The following ZNF304 variants were observed in gnomAD, a reference collection of about 807,000 sequenced individuals.
ZNF304 encodes the protein zinc finger protein 304, also known as KRAB-containing zinc finger protein.
A neutral mutation model predicts 7.8 loss-of-function variants in ZNF304; 7 were observed. The observed-to-expected ratio is 0.90, with a 90% CI of 0.51 to 1.69. ZNF304 has a LOEUF of 1.69. Ranked by LOEUF, ZNF304 falls within the 40% of genes most tolerant of loss-of-function variation. The pLI, the probability that ZNF304 is intolerant of heterozygous loss-of-function variation, is 0.00. For missense variants in ZNF304, 669 were observed against 804.8 expected, an observed-to-expected ratio of 0.83 and a Z score of 2.04; for synonymous variants, 280 against 272.4, an observed-to-expected ratio of 1.03 and a Z score of -0.27.
chr19:57,358,120 A>C lies in ZNF304; in HGVS notation c.*271A>C. ...TATCACTGCCAGTGCCTGTGGCGGA[A>C]GCCATCTTATTGCTACCAGCTGTGT... On this transcript the variant is annotated 3_prime_UTR_variant, in exon 3 of 3. Coordinates refer to ENST00000282286, the MANE Select transcript of ZNF304 (RefSeq NM_020657.4). 2.5e-6 allele frequency: 1 copy of C among 404,534 alleles called. No homozygotes were observed. Among genetic ancestry groups the C allele is most frequent in the Non-Finnish European group, 4.4e-6 (1 of 227,390 alleles). 25.1% of individuals were successfully genotyped at this position (404,534 alleles called of 1,614,324 possible).
intron 1 of ZNF304, among the ~76,000 whole-genome samples, chr19:57,352,971 G>T (rs558096893): frequency 9.8e-5 from 15 of 152,318 alleles, no homozygotes; most frequent in African/African-American, 1.7e-4. Context: ...GGTCTCAGTT[G>T]TCATCTTAGT....
In ZNF304 at chr19:57,351,288, G is replaced by T. The variant is rs1039846494; in HGVS notation, c.-377G>T. ...GTCGTGACGTATTTTTCCTATGCCC[G>T]GTCCGTGCATTCTGGTTGTGAAGGC... On this transcript the variant is annotated 5_prime_UTR_variant, in exon 1 of 3. Transcript: ENST00000282286. The surrounding 1 kb of genome is among the most constrained non-coding windows in gnomAD (Gnocchi z 4.1). 8.1e-6 allele frequency: 2 copies of T among 246,824 alleles called. No individual in the cohort carries two copies. The highest frequency in any genetic ancestry group is 1.6e-5 in the Non-Finnish European group (2 of 126,976). The allele number at this position is 246,824 out of a possible 1,614,324, so 15.3% of individuals were successfully genotyped here.
intron 1 of ZNF304, chr19:57,352,878 C>T (rs2122975691): frequency 6.6e-6 from 1 of 152,246 alleles, no homozygotes; most frequent in African/African-American, 2.4e-5. Context: ...AAAATGCCAT[C>T]AACTGAGATA....
rs1377665057 is a variant in ZNF304 at position 57,359,201 on chromosome 19, C to T, written c.*1352C>T. On this transcript the variant is annotated 3_prime_UTR_variant, in exon 3 of 3. Transcript: ENST00000282286. ...TCCCTGGGCAGTTGACCTGCACAGA[C>T]AGGAACCTCAGCAGTGACAGAAGAG... 6.6e-6 allele frequency: 1 copy of T among 152,214 alleles called. No individual in the cohort carries two copies. The highest frequency in any genetic ancestry group is 6.5e-5 in the Admixed American group (1 of 15,294). The allele number at this position is 152,214 out of a possible 1,614,324, so 9.4% of individuals were successfully genotyped here.
At chr19:57,353,692 T>G in intron 1 of ZNF304, 33 bp from the exon 2 acceptor site, 3 of 1,580,698 alleles carry the variant, frequency 1.9e-6, no homozygotes, top group Non-Finnish European at 2.6e-6. Flanking sequence ...GGAGAGATGC[T>G]GACTGTGGAC....
chr19:57,355,528 A>G, intron 2 of ZNF304: 1 of 619,260 alleles, frequency 1.6e-6, no homozygotes, highest in East Asian at 2.7e-5. Context: ...CATTCTTGGC[A>G]CTTTTTCCAT....
chr19:57,358,441 C>T lies in ZNF304; in HGVS notation c.*592C>T, dbSNP rs146743487. ...CTTACTTGTCTTACTGCCAAATCGCCCAAATTTGGAACTGCTTGTCCCATG... is the reference window on the plus strand; with the variant it reads ...CTTACTTGTCTTACTGCCAAATCGCTCAAATTTGGAACTGCTTGTCCCATG... On this transcript the variant is annotated 3_prime_UTR_variant, in exon 3 of 3. Transcript: ENST00000282286. The T allele has an allele frequency of 6.5e-6, 1 of 153,012 alleles. No individual in the cohort carries two copies. Among genetic ancestry groups the T allele is most frequent in the Non-Finnish European group, 1.5e-5 (1 of 68,774 alleles). The allele number at this position is 153,012 out of a possible 1,614,324, so 9.5% of individuals were successfully genotyped here.
chr19:57,354,216 G>A (rs1226314334), intron 2 of ZNF304, among the ~76,000 whole-genome samples: 1 of 152,100 alleles, frequency 6.6e-6, no homozygotes, highest in Non-Finnish European at 1.5e-5. Context: ...ACGTTGCCCA[G>A]GCTGGTCTAG....
Position 57,351,857 on chromosome 19 carries a change from A to G in ZNF304, c.33+160A>G, listed in dbSNP as rs1026664154. On this transcript the variant is annotated intron_variant, in intron 1 of 2. Coordinates refer to ENST00000282286, the MANE Select transcript of ZNF304 (RefSeq NM_020657.4). The surrounding 1 kb of genome is among the most constrained non-coding windows in gnomAD (Gnocchi z 4.1). The stretch of plus-strand genomic sequence containing the variant: ...AGGTGTGGAACGGACTCGAAGGCGC[A>G]GGGGCAGTTCGTACAAATGCATGCA... The G allele has an allele frequency of 4.2e-6, 3 of 709,104 alleles. No homozygotes were observed. In the African/African-American group the frequency reaches 5.5e-5, roughly 13 times the overall value. 43.9% of individuals were successfully genotyped at this position (709,104 alleles called of 1,614,324 possible). A position where few individuals can be genotyped will look rare whatever the true frequency, so the allele number is the denominator to read the frequency against.
chr19:57,355,140 A>G, intron 2 of ZNF304: 1 of 675,514 alleles, frequency 1.5e-6, no homozygotes, highest in Admixed American at 2.1e-5. Context: ...GGGCTGACAC[A>G]GTCACTTCTT....
At position 57,357,281 on chromosome 19, in the gene ZNF304, G is replaced by T. The variant is rs1317414120; in HGVS notation, c.1412G>T (p.Gly471Val). Residue 471 changes from glycine (G) to valine (V), a missense_variant, in exon 3 of 3, where the codon GGA (glycine) becomes GTA (valine). Physicochemically the swap from Gly to Val is moderately radical, Grantham distance 109 (BLOSUM62 -3). Coordinates refer to ENST00000282286, the MANE Select transcript of ZNF304 (RefSeq NM_020657.4). The stretch of plus-strand genomic sequence containing the variant: ...GTTCAGCACCAGATAATTCACACTG[G>T]AGCAAGGCCTTATGAGTGCAGTGAA... Reference protein sequence around the residue: ...TLVQHQIIHTGARPYECSECG... With the variant: ...TLVQHQIIHTVARPYECSECG... The T allele has an allele frequency of 1.2e-5, 19 of 1,614,206 alleles. No individual in the cohort carries two copies. The highest frequency in any genetic ancestry group is 1.6e-5 in the Non-Finnish European group (19 of 1,180,050).
Position 57,351,960 on chromosome 19 carries a change from G to C in ZNF304, c.33+263G>C, listed in dbSNP as rs2088280625. 9.0e-6 allele frequency: 4 copies of C among 444,278 alleles called. No individual in the cohort carries two copies. Among genetic ancestry groups the C allele is most frequent in the Non-Finnish European group, 1.6e-5 (4 of 250,424 alleles). 27.5% of individuals were successfully genotyped at this position (444,278 alleles called of 1,614,324 possible). On this transcript the variant is annotated intron_variant, in intron 1 of 2. Transcript: ENST00000282286. This position sits in a 1 kb window ranked among gnomAD's most constrained non-coding sequence, Gnocchi z 4.1. ...AACAGGGACTAGGGGGTCAGAGGTA[G>C]GCCTGGAATGGCCGCCCGAGGAGCT...
At chr19:57,355,985 C>T in intron 2 of ZNF304, 45 bp from the exon 3 acceptor site, 2 of 1,556,888 alleles carry the variant, frequency 1.3e-6, no homozygotes, top group Non-Finnish European at 1.7e-6. Flanking sequence ...CTGCTGCCTC[C>T]CACCAAAGTC....
Position 57,351,493 on chromosome 19 carries a change from C to A in ZNF304, c.-172C>A, listed in dbSNP as rs534206350. Reference sequence around the variant, plus strand: ...CTGGGCTCTTACCGAGGCCTCCACACACGTCCTCTTGTCCTTGTCTCCCCC... The same window carrying A: ...CTGGGCTCTTACCGAGGCCTCCACAAACGTCCTCTTGTCCTTGTCTCCCCC... On this transcript the variant is annotated 5_prime_UTR_variant, in exon 1 of 3. Transcript: ENST00000282286. The surrounding 1 kb of genome is among the most constrained non-coding windows in gnomAD (Gnocchi z 4.1). The A allele has an allele frequency of 1.7e-4, 126 of 754,886 alleles. No homozygotes were observed. In the African/African-American group the frequency reaches 2.0e-3, roughly 12 times the overall value. 46.8% of individuals were successfully genotyped at this position (754,886 alleles called of 1,614,324 possible). A position where few individuals can be genotyped will look rare whatever the true frequency, so the allele number is the denominator to read the frequency against.
Position 57,357,464 on chromosome 19 carries a change from A to C in ZNF304, c.1595A>C (p.Glu532Ala), listed in dbSNP as rs201699349. Residue 532 changes from glutamate (E) to alanine (A), a missense_variant, in exon 3 of 3, where the codon GAG (glutamate) becomes GCG (alanine). Glu to Ala is a moderately radical substitution (Grantham distance 107, BLOSUM62 -1). Coordinates refer to ENST00000282286, the MANE Select transcript of ZNF304 (RefSeq NM_020657.4). Reference protein sequence around the residue: ...QRIHTGAKPYECNECGKCFSH... With the variant: ...QRIHTGAKPYACNECGKCFSH... ...ATTCACACTGGAGCAAAGCCTTATG[A>C]GTGCAATGAATGTGGGAAATGCTTT... The C allele has an allele frequency of 1.2e-6, 2 of 1,613,658 alleles. No individual in the cohort carries two copies. The highest frequency in any genetic ancestry group is 4.5e-5 in the East Asian group (2 of 44,842).
Position 57,356,534 on chromosome 19 carries a change from T to A in ZNF304, c.665T>A (p.Leu222His). The A allele has an allele frequency of 6.2e-7, 1 of 1,614,170 alleles. No individual in the cohort carries two copies. The highest frequency in any genetic ancestry group is 8.5e-7 in the Non-Finnish European group (1 of 1,180,024). ...CAAGGAGACTATGATGGACAGATGC[T>A]TTTCAGTTGCGGTGATGAAGGGAAA... The part of the protein sequence containing the change: ...QHQGDYDGQM[L>H]FSCGDEGKAF... The change falls in exon 3 of 3, where the codon CTT becomes CAT. Residue 222 changes from leucine to histidine, a missense_variant. Coordinates refer to ENST00000282286, the MANE Select transcript of ZNF304 (RefSeq NM_020657.4).
At position 57,357,898 on chromosome 19, in the gene ZNF304, G is replaced by A; in HGVS notation, c.*49G>A. Reference sequence around the variant, plus strand: ...AAGGCCTTATGAATGCAGAAAATATGTCATCTTGTTCATCCTCATAGGACT... The same window carrying A: ...AAGGCCTTATGAATGCAGAAAATATATCATCTTGTTCATCCTCATAGGACT... On this transcript the variant is annotated 3_prime_UTR_variant, in exon 3 of 3. Transcript: ENST00000282286. 1 of 1,542,708 alleles carries A rather than the reference G, an allele frequency of 6.5e-7. No homozygotes were observed.
rs2088280129 is a variant in ZNF304 at position 57,351,921 on chromosome 19, C to T, written c.33+224C>T. ...GAGTTTGGGGAGTTCCGGGAACTCT[C>T]TGTGCCTGGTGAGAACAGGGACTAG... On this transcript the variant is annotated intron_variant, in intron 1 of 2. Coordinates refer to ENST00000282286, the MANE Select transcript of ZNF304 (RefSeq NM_020657.4). The surrounding 1 kb of genome is among the most constrained non-coding windows in gnomAD (Gnocchi z 4.1). 1 of 527,982 alleles carries T rather than the reference C, an allele frequency of 1.9e-6. No individual in the cohort carries two copies. The highest frequency in any genetic ancestry group is 3.3e-6 in the Non-Finnish European group (1 of 302,080). The allele number at this position is 527,982 out of a possible 1,614,324, so 32.7% of individuals were successfully genotyped here. A position where few individuals can be genotyped will look rare whatever the true frequency, so the allele number is the denominator to read the frequency against.
At chr19:57,355,501 A>G in intron 2 of ZNF304, 1 of 657,924 alleles carries the variant, frequency 1.5e-6, no homozygotes, top group South Asian at 1.8e-5. Flanking sequence ...GATTCTTCAC[A>G]TCTACTTTAC....
Sources: gnomAD v4.1 joint callset for allele counts (sites outside exome capture counted in the v4.1 genomes callset) on GRCh38, gnomAD v4.1.1 for gene constraint, Gnocchi (gnomAD v3.1) non-coding constraint, MANE v1.5 for transcripts, NCBI Gene and HGNC (gene_info 2026-07-23, HGNC 2026-07-21) for gene names.